RALYL: variants seen among roughly 807,000 people sequenced by gnomAD.
RALYL encodes the protein RNA-binding Raly-like protein.
Under a neutral mutation model 35.1 loss-of-function variants are expected in RALYL, and 29 were observed. That is an observed-to-expected ratio of 0.83 (90% CI 0.61 to 1.13). RALYL has a LOEUF of 1.13. RALYL is among the 50% of genes most tolerant of loss of function. The probability of loss-of-function intolerance (pLI) is 0.00; values close to 1 mark genes in which losing one functional copy is unlikely to be tolerated. For missense variants in RALYL, 359 were observed against 360.4 expected (o/e 1.00, Z 0.03); for synonymous variants, 120 against 127.6 (o/e 0.94, Z 0.40).
chr8:84,450,183 C>T (rs1047673263), intron 1 of RALYL, among the ~76,000 whole-genome samples: 1 of 151,506 alleles, frequency 6.6e-6, no homozygotes, highest in African/African-American at 2.4e-5. Context: ...TTCTATAAAA[C>T]TAATAAAGGA....
chr8:84,412,403 G>A (rs16922856), intron 1 of RALYL, among the ~76,000 whole-genome samples: 4 of 151,748 alleles, frequency 2.6e-5, no homozygotes, highest in South Asian at 2.1e-4. Context: ...TGTTCTTTAC[G>A]TGAAAGTTCA....
intron 1 of RALYL, among the ~76,000 whole-genome samples, chr8:84,202,983 C>T (rs1817255304): frequency 6.6e-6 from 1 of 152,136 alleles, no homozygotes; most frequent in Non-Finnish European, 1.5e-5. Flanking sequence ...CAGAATTACA[C>T]AGGAACGGAG....
At chr8:84,869,073 T>C (rs1382225588) in intron 6 of RALYL, among the ~76,000 whole-genome samples, 1 of 152,034 alleles carries the variant, frequency 6.6e-6, no homozygotes, top group Admixed American at 6.6e-5. Context: ...GAAGTGATCA[T>C]GATAAAGAGT....
chr8:84,285,942 A>G (rs1167508953), intron 1 of RALYL, among the ~76,000 whole-genome samples: 1 of 152,112 alleles, frequency 6.6e-6, no homozygotes, highest in Non-Finnish European at 1.5e-5. Flanking sequence ...TTGTTGATGG[A>G]CGCCTTAGGG....
chr8:84,670,322 ACT>A (rs1229298684), intron 2 of RALYL, among the ~76,000 whole-genome samples: 5 of 152,124 alleles, frequency 3.3e-5, no homozygotes, highest in African/African-American at 1.2e-4. Flanking sequence ...TGGACATTCA[ACT>A]CATATTGAAC....
chr8:84,855,968 G>A (rs145407578), intron 5 of RALYL, among the ~76,000 whole-genome samples: 188 of 152,236 alleles, frequency 1.2e-3, no homozygotes, highest in Non-Finnish European at 2.1e-3. Flanking sequence ...TGCAGTTAAC[G>A]CAAGAACACT....
intron 2 of RALYL, among the ~76,000 whole-genome samples, chr8:84,651,251 A>C (rs1012341259): frequency 9.2e-5 from 14 of 151,784 alleles, no homozygotes; most frequent in African/African-American, 2.9e-4. Context: ...TTAAAATAAA[A>C]TAAAATTTAT....
intron 7 of RALYL, among the ~76,000 whole-genome samples, chr8:84,876,065 C>T (rs1322924094): frequency 6.6e-6 from 1 of 152,014 alleles, no homozygotes; most frequent in Non-Finnish European, 1.5e-5. Context: ...GCTCTCAGTA[C>T]ATTACTTTGG....
chr8:84,532,935 T>C (rs2059367135), intron 2 of RALYL, among the ~76,000 whole-genome samples: 1 of 152,116 alleles, frequency 6.6e-6, no homozygotes, highest in African/African-American at 2.4e-5. Context: ...TCCATGTTTA[T>C]TCTTAGCTTC....
intron 1 of RALYL, among the ~76,000 whole-genome samples, chr8:84,343,246 T>G (rs1305874338): frequency 6.6e-6 from 1 of 152,138 alleles, no homozygotes; most frequent in South Asian, 2.1e-4. Flanking sequence ...GAAATATTAG[T>G]TATGTCAGCT....
intron 2 of RALYL, among the ~76,000 whole-genome samples, chr8:84,564,409 C>T (rs1785024153): frequency 6.6e-6 from 1 of 151,668 alleles, no homozygotes; most frequent in Non-Finnish European, 1.5e-5. Flanking sequence ...GACTAAGCTT[C>T]ACCCTGCATT....
intron 7 of RALYL, among the ~76,000 whole-genome samples, chr8:84,886,966 A>G (rs1317797889): frequency 6.6e-6 from 1 of 152,214 alleles, no homozygotes; most frequent in Non-Finnish European, 1.5e-5. Context: ...CTATTAGGTG[A>G]TGAAGCTCAA....
chr8:84,415,160 G>GTTTGTTTT (rs1554654323), intron 1 of RALYL, among the ~76,000 whole-genome samples: 4 of 83,054 alleles, frequency 4.8e-5, no homozygotes, highest in African/African-American at 1.5e-4. Flanking sequence ...TTCTGCCTCT[G>GTTTGTTTT]TTTTTTTTTT....
chr8:84,816,177 AGAAGGAATC>A (rs1283510734), intron 4 of RALYL, among the ~76,000 whole-genome samples: 2 of 152,188 alleles, frequency 1.3e-5, no homozygotes, highest in Non-Finnish European at 2.9e-5. Flanking sequence ...AACACAAATG[AGAAGGAATC>A]AAAGATCCTT....
At chr8:84,502,349 T>C (rs181563094) in intron 1 of RALYL, among the ~76,000 whole-genome samples, 16 of 152,148 alleles carry the variant, frequency 1.1e-4, no homozygotes, top group Admixed American at 9.8e-4. Context: ...ACATCAGATG[T>C]AGTCTCACTC....
At chr8:84,780,662 G>A (rs1817944588) in intron 3 of RALYL, among the ~76,000 whole-genome samples, 1 of 152,132 alleles carries the variant, frequency 6.6e-6, no homozygotes, top group African/African-American at 2.4e-5. Context: ...CATTATCAGT[G>A]CTTTGAATTT....
intron 1 of RALYL, among the ~76,000 whole-genome samples, chr8:84,448,328 C>G (rs1179904926): frequency 1.3e-5 from 2 of 151,932 alleles, no homozygotes; most frequent in Admixed American, 1.3e-4. Context: ...CTGTGGTGGG[C>G]AGAGAGTTTA....
intron 1 of RALYL, among the ~76,000 whole-genome samples, chr8:84,419,518 T>G (rs1167016695): frequency 6.6e-6 from 1 of 152,098 alleles, no homozygotes; most frequent in Non-Finnish European, 1.5e-5. Flanking sequence ...CTATTAGAAC[T>G]GCTACTACAA....
chr8:84,539,876 A>G (rs371659585), intron 2 of RALYL, among the ~76,000 whole-genome samples: 6,934 of 18,862 alleles, frequency 0.37, 327 homozygotes, highest in South Asian at 0.45. Flanking sequence ...ATATATATAT[A>G]TGTATATATA....
Sources: gnomAD v4.1 joint callset for allele counts (sites outside exome capture counted in the v4.1 genomes callset) on GRCh38, gnomAD v4.1.1 for gene constraint, MANE v1.5 for transcripts, NCBI Gene and HGNC (gene_info 2026-07-23, HGNC 2026-07-21) for gene names.